BBS2: variants seen among roughly 807,000 people sequenced by gnomAD.
BBS2 encodes Bardet-Biedl syndrome 2.
In BBS2, 62 loss-of-function variants were observed where a neutral mutation model predicts 83.0. That is an observed-to-expected ratio of 0.75 (90% CI 0.61 to 0.92). The LOEUF is 0.92. Ranked by LOEUF, BBS2 falls within the 40% of genes least tolerant of loss-of-function variation. BBS2 has a pLI of 0.00. For missense variants in BBS2, 784 were observed against 901.0 expected, an observed-to-expected ratio of 0.87 and a Z score of 1.66; for synonymous variants, 303 against 326.1, an observed-to-expected ratio of 0.93 and a Z score of 0.76.
chr16:56,518,970 C>G (rs1964832696), intron 1 of BBS2, among the ~76,000 whole-genome samples: 1 of 152,166 alleles, frequency 6.6e-6, no homozygotes, highest in East Asian at 1.9e-4. Context: ...TGTACATGGG[C>G]AAGGATCAAA....
intron 7 of BBS2, 26 bp from the exon 8 acceptor site, chr16:56,502,834 G>C (rs1197533163): frequency 6.2e-7 from 1 of 1,613,846 alleles, no homozygotes; most frequent in Non-Finnish European, 8.5e-7. Flanking sequence ...AAATTTAAAA[G>C]TTGCTTATGC....
At chr16:56,479,084 C>T (rs1379965590) in intron 17 of BBS2, 3 of 152,196 alleles carry the variant, frequency 2.0e-5, no homozygotes, top group Non-Finnish European at 4.4e-5. Context: ...CAGATAAAAG[C>T]TATGATGTTC....
downstream of BBS2, among the ~76,000 whole-genome samples, chr16:56,479,522 T>C (rs1281615714): frequency 6.6e-6 from 1 of 152,196 alleles, no homozygotes; most frequent in African/African-American, 2.4e-5. Context: ...AAATAACACA[T>C]GCTCATTGTG....
chr16:56,510,804 A>G (rs1239964875), intron 4 of BBS2, 55 bp downstream of exon 4: 1 of 1,588,872 alleles, frequency 6.3e-7, no homozygotes, highest in Admixed American at 1.7e-5. Context: ...TGTCACTGTC[A>G]TGGCAAAATT....
chr16:56,507,904 G>A (rs1374073911), intron 5 of BBS2, among the ~76,000 whole-genome samples: 2 of 152,116 alleles, frequency 1.3e-5, no homozygotes, highest in Non-Finnish European at 2.9e-5. Context: ...GGAGGCGGAG[G>A]TTGCAGTGAG....
intron 15 of BBS2, among the ~76,000 whole-genome samples, chr16:56,493,262 T>G (rs1403934336): frequency 6.6e-6 from 1 of 151,886 alleles, no homozygotes; most frequent in African/African-American, 2.4e-5. Flanking sequence ...GGCTCATGCC[T>G]TTAGTCCCAT....
intron 14 of BBS2, 92 bp from the exon 15 acceptor site, chr16:56,497,171 C>T (rs1964138232): frequency 2.3e-6 from 2 of 865,292 alleles, no homozygotes; most frequent in East Asian, 2.4e-5. Flanking sequence ...GATACAGAGA[C>T]CCCCTTCTTT....
At chr16:56,491,976 A>C (rs1963964538) in intron 15 of BBS2, among the ~76,000 whole-genome samples, 1 of 151,878 alleles carries the variant, frequency 6.6e-6, no homozygotes, top group Non-Finnish European at 1.5e-5. Flanking sequence ...ACCCTTGTAC[A>C]CTGTTGATTA....
intron 17 of BBS2, among the ~76,000 whole-genome samples, chr16:56,472,675 T>C (rs531709799): frequency 6.6e-6 from 1 of 152,218 alleles, no homozygotes; most frequent in East Asian, 1.9e-4. Context: ...AGTGGCCATA[T>C]TAGCATTTGG....
At chr16:56,491,693 G>A (rs1313385350) in intron 15 of BBS2, among the ~76,000 whole-genome samples, 3 of 70,108 alleles carry the variant, frequency 4.3e-5, no homozygotes, top group Non-Finnish European at 8.1e-5. Flanking sequence ...GCCCAATACT[G>A]AACATAATAA....
chr16:56,517,290 C>A (rs1286053263), intron 1 of BBS2, among the ~76,000 whole-genome samples: 3 of 152,242 alleles, frequency 2.0e-5, no homozygotes, highest in Non-Finnish European at 4.4e-5. Context: ...TTTGCCATGG[C>A]CTACAAGTTC....
chr16:56,516,489 T>C (rs1480896834), intron 1 of BBS2, among the ~76,000 whole-genome samples: 1 of 152,150 alleles, frequency 6.6e-6, no homozygotes, highest in Admixed American at 6.5e-5. Flanking sequence ...CTCTGCCTCC[T>C]GGGTCCTAGG....
At chr16:56,518,981 A>G (rs1259578291) in intron 1 of BBS2, among the ~76,000 whole-genome samples, 1 of 152,244 alleles carries the variant, frequency 6.6e-6, no homozygotes, top group African/African-American at 2.4e-5. Flanking sequence ...AAGGATCAAA[A>G]GTGCAATTTG....
intron 17 of BBS2, among the ~76,000 whole-genome samples, chr16:56,474,010 T>C (rs1259777970): frequency 1.3e-5 from 2 of 152,190 alleles, no homozygotes; most frequent in East Asian, 3.9e-4. Context: ...GGTTTTGCCA[T>C]ATTGGCCAGG....
At chr16:56,514,157 T>C (rs551387777) in intron 2 of BBS2, among the ~76,000 whole-genome samples, 1 of 152,348 alleles carries the variant, frequency 6.6e-6, no homozygotes, top group East Asian at 1.9e-4. Context: ...AGGAGACCTG[T>C]CTATTGGCTT....
intron 17 of BBS2, among the ~76,000 whole-genome samples, chr16:56,473,968 A>C (rs573396143): frequency 6.6e-6 from 1 of 152,124 alleles, no homozygotes; most frequent in Admixed American, 6.5e-5. Context: ...CACCATGCTC[A>C]GCTAATATTT....
At chr16:56,490,244 T>C (rs1384587423) in intron 15 of BBS2, among the ~76,000 whole-genome samples, 1 of 152,008 alleles carries the variant, frequency 6.6e-6, no homozygotes, top group Non-Finnish European at 1.5e-5. Context: ...AAACTCCAAC[T>C]GGAACAGAGA....
intron 13 of BBS2, 56 bp downstream of exon 13, chr16:56,498,381 T>A: frequency 6.3e-7 from 1 of 1,596,140 alleles, no homozygotes; most frequent in Non-Finnish European, 8.6e-7. Context: ...ATGGTCTAAG[T>A]GTTTGAATAA....
At chr16:56,479,981 A>G (rs1215609912), downstream of BBS2, among the ~76,000 whole-genome samples, 10 of 152,234 alleles carry the variant, frequency 6.6e-5, no homozygotes, top group Admixed American at 6.5e-4. Flanking sequence ...TATGGGCTTC[A>G]AGCTCCAGCA....
Sources: allele counts gnomAD v4.1 joint callset (sites outside exome capture counted in the v4.1 genomes callset), GRCh38; gene constraint gnomAD v4.1.1; transcripts MANE v1.5; gene names NCBI Gene and HGNC (gene_info 2026-07-23, HGNC 2026-07-21).